The following RYR3 variants were observed in gnomAD, a reference collection of about 807,000 sequenced individuals.
RYR3 encodes the protein brain ryanodine receptor-calcium release channel.
In RYR3, 207 loss-of-function variants were observed where a neutral mutation model predicts 584.3. The observed-to-expected ratio is 0.35, with a 90% CI of 0.32 to 0.40. The LOEUF is 0.40. Among genes scored for constraint, RYR3 ranks in the 10% least tolerant of loss-of-function variants. RYR3 has a pLI of 1.00. For missense variants in RYR3, 5,616 were observed against 6,089.2 expected (o/e 0.92, Z 2.59); for synonymous variants, 2,416 against 2,248.5 (o/e 1.07, Z -2.11).
chr15:33,401,754 A>C (rs1595984061), intron 1 of RYR3, among the ~76,000 whole-genome samples: 1 of 152,212 alleles, frequency 6.6e-6, no homozygotes, highest in Non-Finnish European at 1.5e-5. Context: ...TATATGGATG[A>C]CAAATCCTAT....
chr15:33,776,584 A>G (rs555917776), intron 64 of RYR3, among the ~76,000 whole-genome samples: 18 of 152,266 alleles, frequency 1.2e-4, no homozygotes, highest in African/African-American at 4.3e-4. Flanking sequence ...ACATTGCACA[A>G]TGTTCCCTAA....
intron 1 of RYR3, among the ~76,000 whole-genome samples, chr15:33,414,016 T>C (rs1251248913): frequency 6.6e-6 from 1 of 152,218 alleles, no homozygotes; most frequent in African/African-American, 2.4e-5. Flanking sequence ...TTAGAATGAA[T>C]GCTACTATAC....
Position 33,662,526 on chromosome 15 carries a change from A to G in RYR3, c.4996A>G (p.Arg1666Gly). ...GAGAACATGTCTCAAGCCCGGGTTC[A>G]GGTTCTCCACCCCTTGCTTTGTTGT... Reference protein sequence around the residue: ...GLRTCLKPGFRFSTPCFVVTG... With the variant: ...GLRTCLKPGFGFSTPCFVVTG... Residue 1666 changes from arginine (R) to glycine (G), a missense_variant, in exon 35 of 104, where the codon AGG becomes GGG. Transcript: ENST00000634891. 6.2e-7 allele frequency: 1 copy of G among 1,614,038 alleles called. No homozygotes were observed. Among genetic ancestry groups the G allele is most frequent in the Non-Finnish European group, 8.5e-7 (1 of 1,179,896 alleles).
At position 33,596,679 on chromosome 15, in the gene RYR3, A is replaced by G. The variant is rs190959798; in HGVS notation, c.1789-4740A>G. 2.2e-4 allele frequency among the ~76,000 whole-genome samples: 34 copies of G among 152,284 alleles called. 1 individual carries two copies. The East Asian group carries it at 6.4e-3, about 29-fold the overall frequency. The stretch of plus-strand genomic sequence containing the variant: ...CATTTCTTTGTGTGGGGAATAGTCA[A>G]TATCCTCCTATTTGAAACCATATAA... On this transcript the variant is annotated intron_variant, in intron 16 of 103. Transcript: ENST00000634891.
At position 33,812,811 on chromosome 15, in the gene RYR3, G is replaced by A. The variant is rs1489647820; in HGVS notation, c.10258-52G>A. 4.4e-6 allele frequency: 7 copies of A among 1,583,332 alleles called. No homozygotes were observed. The African/African-American group carries it at 5.4e-5, about 12-fold the overall frequency. On this transcript the variant is annotated intron_variant, in intron 72 of 103. Transcript: ENST00000634891. ...ATGGTAGGACCAAAAGGCTTCTTCAGTATAAGAAGTACAGGAAATTCCTCA... is the reference window on the plus strand; with the variant it reads ...ATGGTAGGACCAAAAGGCTTCTTCAATATAAGAAGTACAGGAAATTCCTCA...
At chr15:33,378,099 G>T (rs1215326296) in intron 1 of RYR3, among the ~76,000 whole-genome samples, 2 of 152,152 alleles carry the variant, frequency 1.3e-5, no homozygotes, top group Non-Finnish European at 2.9e-5. Context: ...AGAATTTAAA[G>T]AATACAGTAT....
intron 85 of RYR3, among the ~76,000 whole-genome samples, chr15:33,827,956 C>G (rs570896540): frequency 2.6e-5 from 4 of 152,230 alleles, no homozygotes; most frequent in African/African-American, 9.6e-5. Context: ...TTGTGCTTCA[C>G]AGATGCTGTG....
At position 33,824,906 on chromosome 15, in the gene RYR3, C is replaced by T. The variant is rs1161363589; in HGVS notation, c.11073-697C>T. ...TAACATGATCATATAGTGGTCTCAT[C>T]AGCAAGCTTTGTGGTTGCACTATGG... On this transcript the variant is annotated intron_variant, in intron 81 of 103. Transcript: ENST00000634891. 2.6e-5 allele frequency among the ~76,000 whole-genome samples: 4 copies of T among 152,188 alleles called. No individual in the cohort carries two copies. In the East Asian group the frequency reaches 5.8e-4, roughly 22 times the overall value.
At chr15:33,336,501 AGAAGGAGGGAAGGAGGGAAGGAGG>A (rs1236824129) in intron 1 of RYR3, among the ~76,000 whole-genome samples, 1 of 19,106 alleles carries the variant, frequency 5.2e-5, no homozygotes, top group South Asian at 2.5e-3. Flanking sequence ...AAAGAAAGAA[AGAAGGAGGGAAGGAGGGAAGGAGG>A]GAAGGAGGGA....
At chr15:33,643,562 G>A (rs2061946118) in intron 27 of RYR3, among the ~76,000 whole-genome samples, 1 of 151,782 alleles carries the variant, frequency 6.6e-6, no homozygotes, top group Non-Finnish European at 1.5e-5. Flanking sequence ...GCGAGGAGGA[G>A]AGTGGGCTAG....
chr15:33,359,632 A>ATTTT (rs1567091706), intron 1 of RYR3, among the ~76,000 whole-genome samples: 2 of 149,892 alleles, frequency 1.3e-5, no homozygotes, highest in African/African-American at 4.9e-5. Flanking sequence ...TTATTTATTT[A>ATTTT]TTTTCAGACG....
chr15:33,587,242 T>C (rs2058899229), intron 16 of RYR3, among the ~76,000 whole-genome samples: 3 of 152,226 alleles, frequency 2.0e-5, no homozygotes, highest in Admixed American at 2.0e-4. Context: ...TCAGTCCAGA[T>C]TCTCTGCGTT....
intron 36 of RYR3, among the ~76,000 whole-genome samples, chr15:33,664,587 G>GTGTGTA (rs2063368119): frequency 1.4e-4 from 6 of 42,624 alleles, no homozygotes; most frequent in Non-Finnish European, 3.1e-4. Context: ...GTGTGTGTGT[G>GTGTGTA]TGTATATATA....
chr15:33,552,264 G>C (rs1365138502), intron 10 of RYR3, among the ~76,000 whole-genome samples: 4 of 152,280 alleles, frequency 2.6e-5, no homozygotes, highest in Middle Eastern at 3.4e-3. Context: ...GTCTCTGGGG[G>C]AAGCAAGGAA....
At chr15:33,528,153 A>G (rs192401423) in intron 3 of RYR3, among the ~76,000 whole-genome samples, 14 of 152,082 alleles carry the variant, frequency 9.2e-5, no homozygotes, top group Admixed American at 8.5e-4. Flanking sequence ...CTAAGGTACA[A>G]TTTTGATTGT....
At chr15:33,493,456 A>G (rs895525623) in intron 2 of RYR3, among the ~76,000 whole-genome samples, 1 of 152,184 alleles carries the variant, frequency 6.6e-6, no homozygotes, top group African/African-American at 2.4e-5. Context: ...TGTGCTACTC[A>G]TTAAGTGGTT....
intron 16 of RYR3, among the ~76,000 whole-genome samples, chr15:33,593,514 C>G (rs1567617695): frequency 6.6e-6 from 1 of 152,134 alleles, no homozygotes; most frequent in South Asian, 2.1e-4. Context: ...GAAGTCCATA[C>G]ATTAGTAGGC....
In RYR3 at chr15:33,630,046, G is replaced by A; in HGVS notation, c.2783+3G>A. ...CAAATGTCAACTGAAACCTTAAAGT[G>A]AGTATTTAATTGAGCTGAAGTTTTA... On this transcript the variant is annotated splice_donor_region_variant and intron_variant, in intron 22 of 103. Coordinates refer to ENST00000634891, the MANE Select transcript of RYR3 (RefSeq NM_001036.6). The A allele has an allele frequency of 6.5e-7, 1 of 1,544,150 alleles. No individual in the cohort carries two copies. The highest frequency in any genetic ancestry group is 8.9e-7 in the Non-Finnish European group (1 of 1,128,462).
chr15:33,625,323 G>A (rs143206475), intron 20 of RYR3, among the ~76,000 whole-genome samples: 1 of 152,174 alleles, frequency 6.6e-6, no homozygotes, highest in Non-Finnish European at 1.5e-5. Flanking sequence ...GATGATATTT[G>A]GGTGGGGACA....
Sources: gnomAD v4.1 joint callset for allele counts (sites outside exome capture counted in the v4.1 genomes callset) on GRCh38, gnomAD v4.1.1 for gene constraint, MANE v1.5 for transcripts, NCBI Gene and HGNC (gene_info 2026-07-23, HGNC 2026-07-21) for gene names.